Variants in SORCS2 observed in about 807,000 individuals in gnomAD.
The protein encoded by SORCS2 is VPS10 domain-containing receptor SorCS2.
A neutral mutation model predicts 141.6 loss-of-function variants in SORCS2; 100 were observed. The observed-to-expected ratio is 0.71, with a 90% CI of 0.60 to 0.83. The LOEUF is 0.83. SORCS2 is among the 40% of genes least tolerant of loss of function. SORCS2 has a pLI of 0.00. For missense variants in SORCS2, 1,646 were observed against 1,560.2 expected (o/e 1.05, Z -0.93); for synonymous variants, 789 against 676.9 (o/e 1.17, Z -2.57).
chr4:7,705,448 C>G (rs1161666486), intron 14 of SORCS2, among the ~76,000 whole-genome samples: 30 of 152,260 alleles, frequency 2.0e-4, no homozygotes, highest in Admixed American at 2.0e-3. Context: ...GCTGCCGCGA[C>G]AGCCCACAGC....
At chr4:7,657,887 T>A (rs1721898548) in intron 5 of SORCS2, among the ~76,000 whole-genome samples, 2 of 151,404 alleles carry the variant, frequency 1.3e-5, no homozygotes, top group Admixed American at 6.6e-5. Context: ...ACTGAGTGAA[T>A]GAGTGAGTGA....
chr4:7,611,983 C>T (rs1468493126), intron 3 of SORCS2, among the ~76,000 whole-genome samples: 2 of 152,260 alleles, frequency 1.3e-5, no homozygotes, highest in South Asian at 2.1e-4. Flanking sequence ...CAGCTCTGGG[C>T]TCTGCCGTGG....
intron 2 of SORCS2, among the ~76,000 whole-genome samples, chr4:7,462,697 C>G (rs933230826): frequency 4.0e-5 from 6 of 151,748 alleles, no homozygotes; most frequent in Non-Finnish European, 8.8e-5. Context: ...CTGGGTCTGG[C>G]ACGCAGGAGG....
At chr4:7,481,268 A>T (rs1253738239) in intron 2 of SORCS2, among the ~76,000 whole-genome samples, 1 of 152,192 alleles carries the variant, frequency 6.6e-6, no homozygotes, top group Non-Finnish European at 1.5e-5. Context: ...TGAATAGTCC[A>T]CTCATTGTGC....
chr4:7,215,799 C>G (rs1438343012), intron 1 of SORCS2, among the ~76,000 whole-genome samples: 1 of 152,176 alleles, frequency 6.6e-6, no homozygotes, highest in Admixed American at 6.5e-5. Flanking sequence ...AACTGTGTAT[C>G]TAACTAATCT....
Position 7,676,177 on chromosome 4 carries a change from A to T in SORCS2, c.1289A>T (p.Asp430Val). 6.4e-7 allele frequency: 1 copy of T among 1,556,066 alleles called. No homozygotes were observed. Among genetic ancestry groups the T allele is most frequent in the Non-Finnish European group, 8.7e-7 (1 of 1,149,606 alleles). The change falls in exon 9 of 27, where the codon GAC becomes GTC. Residue 430 changes from aspartate to valine, a missense_variant. By Grantham distance (152) the Asp-to-Val change is radical. Coordinates refer to ENST00000507866, the MANE Select transcript of SORCS2 (RefSeq NM_020777.3). ...GTGCGCTACGCGCTGGTGCTGCAGG[A>T]CGTGCGCAGCTCACGGCAGGCGGAG... Reference protein sequence around the residue: ...RGVRYALVLQDVRSSRQAEES... With the variant: ...RGVRYALVLQVVRSSRQAEES...
chr4:7,632,218 C>T (rs1289734550), intron 3 of SORCS2, among the ~76,000 whole-genome samples: 2 of 152,204 alleles, frequency 1.3e-5, no homozygotes, highest in East Asian at 1.9e-4. Context: ...CTTCAAATAA[C>T]TGGCCATTAG....
intron 1 of SORCS2, among the ~76,000 whole-genome samples, chr4:7,304,300 T>C (rs969551940): frequency 6.6e-6 from 1 of 152,194 alleles, no homozygotes; most frequent in Non-Finnish European, 1.5e-5. Context: ...ACCCCCTTTT[T>C]CATTAGCGAC....
chr4:7,661,068 A>G (rs73794361), intron 5 of SORCS2, among the ~76,000 whole-genome samples: 11,650 of 152,262 alleles, frequency 0.077, 1,412 homozygotes, highest in African/African-American at 0.26. Context: ...AAACTAGGAT[A>G]GGATGGGAGT....
intron 2 of SORCS2, among the ~76,000 whole-genome samples, chr4:7,474,887 T>C (rs1408426304): frequency 1.3e-5 from 2 of 152,198 alleles, no homozygotes; most frequent in East Asian, 3.9e-4. Context: ...AGTTCCCTTC[T>C]GGCTGTCCCA....
chr4:7,525,890 G>GTCACCTGTCCCCTCAA (rs1560356339), intron 2 of SORCS2, among the ~76,000 whole-genome samples: 1 of 106,880 alleles, frequency 9.4e-6, no homozygotes, highest in African/African-American at 4.0e-5. Flanking sequence ...CCCCTCCTCA[G>GTCACCTGTCCCCTCAA]TCACCTGTCT....
chr4:7,379,901 C>T (rs1722885047), intron 1 of SORCS2, among the ~76,000 whole-genome samples: 1 of 152,206 alleles, frequency 6.6e-6, no homozygotes, highest in South Asian at 2.1e-4. Flanking sequence ...TCTTAAAATA[C>T]TTCAGCTCAG....
At chr4:7,690,228 T>C (rs1337304461) in intron 11 of SORCS2, among the ~76,000 whole-genome samples, 1 of 146,564 alleles carries the variant, frequency 6.8e-6, no homozygotes, top group Admixed American at 6.8e-5. Flanking sequence ...GGTGGATGGA[T>C]GATGGATGAT....
At chr4:7,686,470 G>T (rs1723877516) in intron 10 of SORCS2, among the ~76,000 whole-genome samples, 1 of 152,194 alleles carries the variant, frequency 6.6e-6, no homozygotes. Context: ...TCCTGGAGCA[G>T]TGTGAGTCCC....
intron 14 of SORCS2, among the ~76,000 whole-genome samples, chr4:7,706,565 G>A (rs1345306939): frequency 7.1e-6 from 1 of 141,486 alleles, no homozygotes. Context: ...TGCCTGGACA[G>A]ACATGAGGCT....
At chr4:7,284,880 G>A (rs963337960) in intron 1 of SORCS2, among the ~76,000 whole-genome samples, 2 of 152,084 alleles carry the variant, frequency 1.3e-5, no homozygotes, top group African/African-American at 4.8e-5. Flanking sequence ...TCTGGTTTCT[G>A]GTGGCCCCAG....
At chr4:7,701,507 C>A (rs1725080238) in intron 12 of SORCS2, among the ~76,000 whole-genome samples, 1 of 152,168 alleles carries the variant, frequency 6.6e-6, no homozygotes, top group Admixed American at 6.5e-5. Flanking sequence ...GGAAAGGAAG[C>A]AAGGTCAAGG....
intron 3 of SORCS2, among the ~76,000 whole-genome samples, chr4:7,592,847 G>A (rs1717007204): frequency 6.6e-6 from 1 of 152,186 alleles, no homozygotes; most frequent in South Asian, 2.1e-4. Context: ...ATGAATGAAT[G>A]ACATAAACCA....
intron 3 of SORCS2, among the ~76,000 whole-genome samples, chr4:7,634,634 G>A (rs1201073092): frequency 6.6e-6 from 1 of 152,194 alleles, no homozygotes; most frequent in Non-Finnish European, 1.5e-5. Context: ...CATAGATGTG[G>A]CTCTTCCATC....
Sources: gnomAD v4.1 joint callset for allele counts (sites outside exome capture counted in the v4.1 genomes callset) on GRCh38, gnomAD v4.1.1 for gene constraint, MANE v1.5 for transcripts, NCBI Gene and HGNC (gene_info 2026-07-23, HGNC 2026-07-21) for gene names.